The following SMARCD3 variants were observed in gnomAD, a reference collection of about 807,000 sequenced individuals.
SMARCD3 encodes the protein SWI/SNF related BAF chromatin remodeling complex subunit D3, also known as SWI/SNF-related matrix-associated actin-dependent regulator of chromatin subfamily D member 3.
SMARCD3 carries 14 observed loss-of-function variants against 58.0 expected under a neutral mutation model. The observed-to-expected ratio is 0.24, with a 90% CI of 0.16 to 0.38. SMARCD3 has a LOEUF of 0.38. SMARCD3 is among the 10% of genes least tolerant of loss of function. The pLI is 1.00. For synonymous variants in SMARCD3, 253 were observed against 253.8 expected, an observed-to-expected ratio of 1.00 and a Z score of 0.03; for missense variants, 408 against 636.9, an observed-to-expected ratio of 0.64 and a Z score of 3.87.
At position 151,263,252 on chromosome 7, in the gene SMARCD3, G is replaced by GT. The variant is rs911101310; in HGVS notation, c.39+11861dup. On this transcript the variant is annotated intron_variant, in intron 2 of 13. Transcript: ENST00000356800. ...AATGTGCCAGACACTCCTGCTAAAT[G>GT]TTTTTTTTTTAATTAAAAAAATGCC... 2.3e-3 allele frequency among the ~76,000 whole-genome samples: 337 copies of GT among 149,334 alleles called. 2 individuals are homozygous for GT. The highest frequency in any genetic ancestry group is 5.0e-3 in the Admixed American group (75 of 14,938).
Position 151,243,342 on chromosome 7 carries a change from T to C in SMARCD3, c.333+317A>G, listed in dbSNP as rs896615976. 2.6e-5 allele frequency among the ~76,000 whole-genome samples: 4 copies of C among 152,168 alleles called. No individual in the cohort carries two copies. In the South Asian group the frequency reaches 6.2e-4, roughly 24 times the overall value. On this transcript the variant is annotated intron_variant, in intron 3 of 12. Transcript: ENST00000262188. The surrounding 1 kb of genome is among the most constrained non-coding windows in gnomAD (Gnocchi z 4.4). ...GTCTCTTTAGGATGCTCAGGATCTC[T>C]GGCCACCTTCTATCCCCTTCATTCT... is the stretch of plus-strand genomic sequence containing the variant.
intron 2 of SMARCD3, among the ~76,000 whole-genome samples, chr7:151,260,252 C>T (rs538797623): frequency 2.0e-5 from 3 of 152,126 alleles, no homozygotes; most frequent in South Asian, 2.1e-4. Context: ...CACACGCACC[C>T]CACCTTCCCC....
chr7:151,250,112 G>A (rs981559651), upstream of SMARCD3, among the ~76,000 whole-genome samples: 2 of 152,072 alleles, frequency 1.3e-5, no homozygotes, highest in African/African-American at 4.8e-5. Flanking sequence ...AAACCCTTCA[G>A]AATGCCTTTG....
chr7:151,264,300 C>T (rs1195109296), intron 2 of SMARCD3, among the ~76,000 whole-genome samples: 1 of 152,062 alleles, frequency 6.6e-6, no homozygotes, highest in Non-Finnish European at 1.5e-5. Context: ...ATCAAGTGAT[C>T]TGCCTGCCTC....
rs567047171 is a variant in SMARCD3 at position 151,239,321 on chromosome 7, T to G, written c.1398+75A>C. Reference sequence around the variant, plus strand: ...CTTTACTGTGGGGAGCTGCGAGGGCTGCCCACAAGCTGAACAGGGAGGTTT... The same window carrying G: ...CTTTACTGTGGGGAGCTGCGAGGGCGGCCCACAAGCTGAACAGGGAGGTTT... On this transcript the variant is annotated intron_variant, in intron 12 of 12. Coordinates refer to ENST00000262188, the MANE Select transcript of SMARCD3 (RefSeq NM_001003801.2). The surrounding 1 kb of genome is among the most constrained non-coding windows in gnomAD (Gnocchi z 7.0). 152 of 1,384,372 alleles carry G rather than the reference T, an allele frequency of 1.1e-4. No homozygotes were observed. Among genetic ancestry groups the G allele is most frequent in the Non-Finnish European group, 1.5e-4 (150 of 973,208 alleles). The allele number at this position is 1,384,372 out of a possible 1,614,324, so 85.8% of individuals were successfully genotyped here.
exon 2 of SMARCD3, chr7:151,275,198 G>A (rs769127551): frequency 6.3e-7 from 1 of 1,583,556 alleles, no homozygotes; most frequent in Non-Finnish European, 8.6e-7. Context: ...TGCCCCCTCG[G>A]TGCCTGGGCC....
At chr7:151,271,221 G>C (rs944568487) in intron 2 of SMARCD3, among the ~76,000 whole-genome samples, 1 of 152,202 alleles carries the variant, frequency 6.6e-6, no homozygotes, top group Non-Finnish European at 1.5e-5. Flanking sequence ...TTTCCCAGGC[G>C]GGTGGGGTGA....
intron 2 of SMARCD3, among the ~76,000 whole-genome samples, chr7:151,273,262 C>T (rs553374755): frequency 6.6e-6 from 1 of 152,218 alleles, no homozygotes. Context: ...CCCCAGGGCT[C>T]CAGCTCCAAT....
chr7:151,258,563 T>TAAAAAAAAAAAAA (rs71196743), intron 2 of SMARCD3, among the ~76,000 whole-genome samples: 1 of 116,992 alleles, frequency 8.5e-6, no homozygotes, highest in Non-Finnish European at 1.8e-5. Flanking sequence ...AGACTCTGCC[T>TAAAAAAAAAAAAA]AAAAAAAAAA....
rs1275364794 is a variant in SMARCD3 at position 151,248,371 on chromosome 7, C to G, written c.78+114G>C. ...CGCGGCCGGGCCGTGGGCCATGACGCCCCCCACTAGAGGGGTGGGAGAGCG... is the reference window on the plus strand; with the variant it reads ...CGCGGCCGGGCCGTGGGCCATGACGGCCCCCACTAGAGGGGTGGGAGAGCG... On this transcript the variant is annotated intron_variant, in intron 1 of 12. Transcript: ENST00000262188. This position sits in a 1 kb window ranked among gnomAD's most constrained non-coding sequence, Gnocchi z 6.1. The G allele has an allele frequency of 2.2e-6, 2 of 896,106 alleles. No homozygotes were observed. The highest frequency in any genetic ancestry group is 3.4e-5 in the African/African-American group (2 of 59,362). 55.5% of individuals were successfully genotyped at this position (896,106 alleles called of 1,614,324 possible).
rs1802921714 is a variant in SMARCD3 at position 151,240,462 on chromosome 7, A to C, written c.1000T>G (p.Leu334Val). 2 of 1,613,850 alleles carry C rather than the reference A, an allele frequency of 1.2e-6. No individual in the cohort carries two copies. Among genetic ancestry groups the C allele is most frequent in the East Asian group, 2.2e-5 (1 of 44,888 alleles). ...TTGATGACAATTGGGTCAGGGGGCAATAGCAGGGCTGTGAGGCGCTGGGGA... is the reference window on the plus strand; with the variant it reads ...TTGATGACAATTGGGTCAGGGGGCACTAGCAGGGCTGTGAGGCGCTGGGGA... ...EIPQRLTALL[L>V]PPDPIVINHV... The change falls in exon 9 of 13, where the codon TTG becomes GTG. Residue 334 changes from leucine to valine, a missense_variant. By Grantham distance (32) the Leu-to-Val change is conservative. This residue lies in a region of SMARCD3 where 115 missense variants were observed against 257.2 expected (regional missense o/e 0.45). Coordinates refer to ENST00000262188, the MANE Select transcript of SMARCD3 (RefSeq NM_001003801.2).
chr7:151,242,187 C>T lies in SMARCD3; in HGVS notation c.625G>A (p.Val209Ile). The change falls in exon 6 of 13, where the codon GTC becomes ATC. Residue 209 changes from valine (V) to isoleucine (I), a missense_variant. By Grantham distance (29) the Val-to-Ile change is conservative. Transcript: ENST00000262188. This position sits in a 1 kb window ranked among gnomAD's most constrained non-coding sequence, Gnocchi z 4.7. ...TAAAGATCTTTGTCCAGCTCGATGA[C>T]CAAACTCTTGAAGAAAGAAGAGAAC... Reference protein sequence around the residue: ...RKFSSFFKSLVIELDKDLYGP... With the variant: ...RKFSSFFKSLIIELDKDLYGP... 1 of 1,614,104 alleles carries T rather than the reference C, an allele frequency of 6.2e-7. No individual in the cohort carries two copies.
At position 151,239,790 on chromosome 7, in the gene SMARCD3, G is replaced by A. The variant is rs761745710; in HGVS notation, c.1174-44C>T. 5 of 1,609,068 alleles carry A rather than the reference G, an allele frequency of 3.1e-6. No homozygotes were observed. In the South Asian group the frequency reaches 4.4e-5, roughly 14 times the overall value. The stretch of plus-strand genomic sequence containing the variant: ...ATGCTTTCCACCTGGCTTTGGTGAT[G>A]TGGGAGACGAGGGGAAAGGAAGCGG... On this transcript the variant is annotated intron_variant, in intron 10 of 12. Coordinates refer to ENST00000262188, the MANE Select transcript of SMARCD3 (RefSeq NM_001003801.2). The surrounding 1 kb of genome is among the most constrained non-coding windows in gnomAD (Gnocchi z 7.0).
chr7:151,249,812 T>C (rs555073594), upstream of SMARCD3, among the ~76,000 whole-genome samples: 17 of 149,944 alleles, frequency 1.1e-4, no homozygotes, highest in Admixed American at 6.6e-5. This position sits in a 1 kb window ranked among gnomAD's most constrained non-coding sequence, Gnocchi z 4.8. Context: ...GTGGAAGGAG[T>C]TGGCAGTCCC....
chr7:151,244,176 T>C (rs891073634), intron 2 of SMARCD3, among the ~76,000 whole-genome samples: 3 of 152,070 alleles, frequency 2.0e-5, no homozygotes, highest in African/African-American at 2.4e-5. Flanking sequence ...GAGGTGACGG[T>C]GTGAAGCTGG....
At chr7:151,258,040 C>A (rs1299987745) in intron 2 of SMARCD3, among the ~76,000 whole-genome samples, 1 of 152,172 alleles carries the variant, frequency 6.6e-6, no homozygotes, top group Admixed American at 6.5e-5. Context: ...GCCCAGTCTT[C>A]TCCCTCCTTC....
At chr7:151,267,114 C>A (rs1205824046) in intron 2 of SMARCD3, among the ~76,000 whole-genome samples, 2 of 152,190 alleles carry the variant, frequency 1.3e-5, no homozygotes, top group African/African-American at 4.8e-5. Flanking sequence ...ACCCGCACAC[C>A]ACTGCATCCA....
At chr7:151,252,697 C>T (rs938069236), upstream of SMARCD3, among the ~76,000 whole-genome samples, 2 of 149,818 alleles carry the variant, frequency 1.3e-5, no homozygotes, top group African/African-American at 4.9e-5. Context: ...ACCTCAACCC[C>T]CGCCTCTGGT....
chr7:151,264,745 T>C (rs907582479), intron 2 of SMARCD3, among the ~76,000 whole-genome samples: 1 of 152,126 alleles, frequency 6.6e-6, no homozygotes. Context: ...GCAGCCAGCA[T>C]GGGGCAGAAG....
Sources: gnomAD v4.1 joint callset for allele counts (sites outside exome capture counted in the v4.1 genomes callset) on GRCh38, gnomAD v4.1.1 for gene constraint, gnomAD v4.1.1 regional missense constraint, Gnocchi (gnomAD v3.1) non-coding constraint, MANE v1.5 for transcripts, NCBI Gene and HGNC (gene_info 2026-07-23, HGNC 2026-07-21) for gene names.